The following ANK3 variants were observed in gnomAD, a reference collection of about 807,000 sequenced individuals.
ANK3 encodes the protein ankyrin 3, also known as ankyrin-3.
In ANK3, 57 loss-of-function variants were observed where a neutral mutation model predicts 370.9. The observed-to-expected ratio is 0.15, with a 90% confidence interval of 0.12 to 0.19. The LOEUF (loss-of-function observed/expected upper bound fraction) is 0.19, where lower values mean the gene tolerates loss of function less well. Among genes scored for constraint, ANK3 ranks in the 10% least tolerant of loss-of-function variants. ANK3 has a pLI of 1.00. For synonymous variants in ANK3, 1,929 were observed against 1,946.3 expected (o/e 0.99, Z 0.23); for missense variants, 4,439 against 5,302.1 (o/e 0.84, Z 5.06).
chr10:60,212,870 AT>A (rs2096878156), intron 9 of ANK3, among the ~76,000 whole-genome samples: 1 of 152,254 alleles, frequency 6.6e-6, no homozygotes, highest in East Asian at 1.9e-4. Context: ...TGGTTTTACT[AT>A]TAAAAAAAAG....
chr10:60,196,637 A>AAC lies in ANK3; in HGVS notation c.1690-13_1690-12insGT. 1 of 1,536,648 alleles carries AAC rather than the reference A, an allele frequency of 6.5e-7. No individual in the cohort carries two copies. The highest frequency in any genetic ancestry group is 1.4e-5 in the African/African-American group (1 of 72,480). Reference sequence around the variant, plus strand: ...GGAGTAAATCCTTTCTGAAAAAAAAAAAACATAAAAATAATGAACAATAGA... The same window carrying AAC: ...GGAGTAAATCCTTTCTGAAAAAAAAAACAAACATAAAAATAATGAACAATAGA... On this transcript the variant is annotated splice_polypyrimidine_tract_variant and intron_variant, in intron 14 of 43. Transcript: ENST00000280772.
intron 21 of ANK3, among the ~76,000 whole-genome samples, chr10:60,169,961 G>A (rs1276357093): frequency 6.6e-6 from 1 of 152,098 alleles, no homozygotes; most frequent in Non-Finnish European, 1.5e-5. Flanking sequence ...ACTCTAAGAT[G>A]TTCCAGGCTC....
At chr10:60,102,287 C>G (rs1346692075) in intron 28 of ANK3, among the ~76,000 whole-genome samples, 2 of 151,800 alleles carry the variant, frequency 1.3e-5, no homozygotes, top group African/African-American at 2.4e-5. Flanking sequence ...CCCATTTGCT[C>G]TCCTGCACAA....
intron 2 of ANK3, among the ~76,000 whole-genome samples, chr10:60,446,874 T>A (rs1178433928): frequency 6.6e-6 from 1 of 152,202 alleles, no homozygotes; most frequent in Non-Finnish European, 1.5e-5. Context: ...TACCTGGAAG[T>A]GAAGCACCAC....
intron 42 of ANK3, among the ~76,000 whole-genome samples, chr10:60,053,139 G>A (rs1361391162): frequency 6.6e-6 from 1 of 152,132 alleles, no homozygotes; most frequent in Admixed American, 6.5e-5. Flanking sequence ...AGTAAATTTA[G>A]GAGACTTAGA....
Position 60,071,311 on chromosome 10 carries a change from T to A in ANK3, c.9570A>T (p.Ile3190=), listed in dbSNP as rs1471500678. The A allele has an allele frequency of 6.2e-7, 1 of 1,613,946 alleles. No homozygotes were observed. Among genetic ancestry groups the A allele is most frequent in the Non-Finnish European group, 8.5e-7 (1 of 1,180,004 alleles). Residue 3190 remains isoleucine (I), a synonymous_variant, in exon 37 of 44, where the codon ATA becomes ATT. Transcript: ENST00000280772. ...GGCTGGGTTTGCCTGGTATATAAGC[T>A]ATGAGCGAGTCAGGTGTCTTAGATG... ...EFTSKTPDSL[I]AYIPGKPSPI...
At chr10:60,266,417 A>G (rs921463315) in intron 5 of ANK3, among the ~76,000 whole-genome samples, 1 of 152,216 alleles carries the variant, frequency 6.6e-6, no homozygotes, top group Non-Finnish European at 1.5e-5. Flanking sequence ...GAAAATATGC[A>G]TTGTTTAAAT....
At chr10:60,656,335 T>C (rs2078863243) in intron 1 of ANK3, among the ~76,000 whole-genome samples, 1 of 152,202 alleles carries the variant, frequency 6.6e-6, no homozygotes, top group Non-Finnish European at 1.5e-5. Context: ...CTAATGTCTG[T>C]AGTATTTGTC....
intron 40 of ANK3, chr10:60,059,894 G>C (rs762980859): frequency 6.2e-7 from 1 of 1,614,194 alleles, no homozygotes; most frequent in Non-Finnish European, 8.5e-7. Context: ...GGGTTCTAAG[G>C]GGAGATTCTA....
chr10:60,459,102 C>T (rs2064821420), intron 2 of ANK3, among the ~76,000 whole-genome samples: 1 of 152,120 alleles, frequency 6.6e-6, no homozygotes, highest in Admixed American at 6.6e-5. Context: ...AAGTACTCAA[C>T]TGTGTCTTGA....
In ANK3 at chr10:60,088,166, C is replaced by A. The variant is rs1285570735; in HGVS notation, c.3521G>T (p.Arg1174Ile). ...ASFPEGALTK[R>I]IRVGLQAQPV... ...CATTACCTGGAGGCCCACTCGAATT[C>A]TTTTAGTTAGGGCACCCTCTGGGAA... The change falls in exon 29 of 44, where the codon AGA (arginine) becomes ATA (isoleucine). Residue 1174 changes from arginine to isoleucine, a missense_variant. By Grantham distance (97) the Arg-to-Ile change is moderately conservative. This residue lies in a region of ANK3 where 702 missense variants were observed against 941.5 expected (regional missense o/e 0.75). Transcript: ENST00000280772. 1.9e-6 allele frequency: 3 copies of A among 1,614,094 alleles called. No individual in the cohort carries two copies. The highest frequency in any genetic ancestry group is 8.5e-7 in the Non-Finnish European group (1 of 1,179,982).
chr10:60,646,022 T>C (rs894935858), intron 1 of ANK3, among the ~76,000 whole-genome samples: 11 of 151,796 alleles, frequency 7.2e-5, no homozygotes, highest in African/African-American at 2.2e-4. Flanking sequence ...ATATCAACTA[T>C]GGGGAAGAGA....
In ANK3 at chr10:60,055,722, G is replaced by A. The variant is rs1220438069; in HGVS notation, c.13001C>T (p.Pro4334Leu). Residue 4334 changes from proline to leucine, a missense_variant, in exon 42 of 44, where the codon CCA becomes CTA. Around this residue, in one of 13 missense-constraint regions of ANK3, gnomAD observed 242 missense variants for 228.0 expected, o/e 1.06. Coordinates refer to ENST00000280772, the MANE Select transcript of ANK3 (RefSeq NM_020987.5). ...VSMKKMSRTS[P>L]ADGKPRLSLH... is the part of the protein sequence containing the mutation. ...GCTAAGCCTTGGCTTGCCATCTGCT[G>A]GAGAAGTCCTACTCATCTTTTTCAT... 1 of 1,614,110 alleles carries A rather than the reference G, an allele frequency of 6.2e-7. No homozygotes were observed. Among genetic ancestry groups the A allele is most frequent in the East Asian group, 2.2e-5 (1 of 44,870 alleles).
intron 33 of ANK3, 106 bp from the exon 34 acceptor site, chr10:60,082,843 G>C (rs987530583): frequency 1.5e-6 from 2 of 1,310,306 alleles, no homozygotes; most frequent in African/African-American, 3.0e-5. Context: ...ATGAGAGGCA[G>C]GAAAGGTAAA....
At chr10:60,262,769 A>G (rs1455031761) in intron 6 of ANK3, among the ~76,000 whole-genome samples, 1 of 152,146 alleles carries the variant, frequency 6.6e-6, no homozygotes, top group Admixed American at 6.5e-5. Context: ...ACCCTAAAAA[A>G]CGAGTCCTGG....
chr10:60,346,073 A>G (rs1214125633), intron 1 of ANK3, among the ~76,000 whole-genome samples: 5 of 152,116 alleles, frequency 3.3e-5, no homozygotes, highest in African/African-American at 1.2e-4. Flanking sequence ...AGAAAAAACA[A>G]TGAAGCTAAG....
chr10:60,513,109 A>G (rs1017398885), intron 2 of ANK3, among the ~76,000 whole-genome samples: 1 of 152,072 alleles, frequency 6.6e-6, no homozygotes, highest in Non-Finnish European at 1.5e-5. Flanking sequence ...TTCCTCTCTA[A>G]ACTACGTGTC....
intron 1 of ANK3, among the ~76,000 whole-genome samples, chr10:60,324,435 T>G (rs948859088): frequency 4.6e-5 from 7 of 152,170 alleles, no homozygotes; most frequent in African/African-American, 1.7e-4. Flanking sequence ...TTGCTCAAAT[T>G]ATCTCATTTC....
intron 2 of ANK3, among the ~76,000 whole-genome samples, chr10:60,526,294 G>C (rs2076469036): frequency 6.6e-6 from 1 of 152,086 alleles, no homozygotes; most frequent in African/African-American, 2.4e-5. Context: ...GTACTGTAAT[G>C]TTGGTTTCCT....
Sources: gnomAD v4.1 joint callset for allele counts (sites outside exome capture counted in the v4.1 genomes callset) on GRCh38, gnomAD v4.1.1 for gene constraint, gnomAD v4.1.1 regional missense constraint, MANE v1.5 for transcripts, NCBI Gene and HGNC (gene_info 2026-07-23, HGNC 2026-07-21) for gene names.